HTR1F: variants seen among roughly 807,000 people sequenced by gnomAD.
The protein encoded by HTR1F is 5-hydroxytryptamine (serotonin) receptor 1F, G protein-coupled.
HTR1F carries 17 observed loss-of-function variants against 24.0 expected under a neutral mutation model. The ratio of observed to expected loss-of-function variants is 0.71; its 90% CI spans 0.48 to 1.06. HTR1F has a LOEUF of 1.06. HTR1F is among the 50% of genes least tolerant of loss of function. The probability of loss-of-function intolerance (pLI) is 0.00; values close to 1 mark genes in which losing one functional copy is unlikely to be tolerated. For synonymous variants in HTR1F, 186 were observed against 156.8 expected, an observed-to-expected ratio of 1.19 and a Z score of -1.39; for missense variants, 391 against 427.8, an observed-to-expected ratio of 0.91 and a Z score of 0.76.
chr3:87,963,722 G>C (rs1705109978), intron 2 of HTR1F, among the ~76,000 whole-genome samples: 2 of 152,086 alleles, frequency 1.3e-5, no homozygotes, highest in Non-Finnish European at 2.9e-5. Flanking sequence ...GGAGGTGAAA[G>C]GATTTGAGAG....
At chr3:87,986,068 A>G (rs1576123730) in intron 2 of HTR1F, among the ~76,000 whole-genome samples, 1 of 152,194 alleles carries the variant, frequency 6.6e-6, no homozygotes, top group South Asian at 2.1e-4. Context: ...AAGACATTCA[A>G]ATACAGAATG....
chr3:87,963,822 G>A (rs1705111764), intron 2 of HTR1F, among the ~76,000 whole-genome samples: 1 of 152,116 alleles, frequency 6.6e-6, no homozygotes, highest in African/African-American at 2.4e-5. Context: ...AGCAACATAT[G>A]TGCTTTGTCT....
Position 87,844,844 on chromosome 3 carries a change from T to C in HTR1F, c.-43+22720T>C, listed in dbSNP as rs534020159. Among the ~76,000 whole-genome samples the C allele has an allele frequency of 6.0e-5, 9 of 150,778 alleles. 1 individual carries two copies. The highest frequency in any genetic ancestry group is 2.1e-4 in the South Asian group (1 of 4,772). ...GTCAAAGATCAGATAGTTGTAGATATGCGGCGTTATTTCTGAGGGCTCTGT... is the reference window on the plus strand; with the variant it reads ...GTCAAAGATCAGATAGTTGTAGATACGCGGCGTTATTTCTGAGGGCTCTGT... On this transcript the variant is annotated intron_variant, in intron 2 of 2. Transcript: ENST00000319595.
chr3:87,993,454 C>A lies in HTR1F; in HGVS notation c.*1604C>A, dbSNP rs1705880256. ...AAATCTGGCATGGAAGTTGTTTACA[C>A]AGTTATGATGGTGCAGAGGAAAAAC... On this transcript the variant is annotated 3_prime_UTR_variant, in exon 3 of 3. Transcript: ENST00000319595. The A allele has an allele frequency of 6.0e-6, 1 of 166,774 alleles. No individual in the cohort carries two copies. The highest frequency in any genetic ancestry group is 6.6e-5 in the Admixed American group (1 of 15,242). The allele number at this position is 166,774 out of a possible 1,614,324, so 10.3% of individuals were successfully genotyped here.
At chr3:87,896,945 G>A (rs1051331917) in intron 2 of HTR1F, among the ~76,000 whole-genome samples, 1 of 152,078 alleles carries the variant, frequency 6.6e-6, no homozygotes, top group African/African-American at 2.4e-5. Context: ...GGGAACCCTT[G>A]TACGCTGTTG....
chr3:87,796,804 T>G (rs1703913418), intron 1 of HTR1F, among the ~76,000 whole-genome samples: 1 of 152,202 alleles, frequency 6.6e-6, no homozygotes, highest in Non-Finnish European at 1.5e-5. Flanking sequence ...CTTTAAGAAT[T>G]GAGCATAGAT....
At chr3:87,907,156 T>C (rs1576013479) in intron 2 of HTR1F, among the ~76,000 whole-genome samples, 1 of 151,962 alleles carries the variant, frequency 6.6e-6, no homozygotes, top group East Asian at 1.9e-4. Context: ...CCCACCAACA[T>C]GTAAAAGTGT....
intron 2 of HTR1F, among the ~76,000 whole-genome samples, chr3:87,850,753 C>G (rs1314035457): frequency 6.6e-6 from 1 of 150,864 alleles, no homozygotes; most frequent in Non-Finnish European, 1.5e-5. Context: ...CATATGAACT[C>G]TGATCATGAA....
chr3:87,864,533 G>C (rs1241814979), intron 2 of HTR1F, among the ~76,000 whole-genome samples: 1 of 152,130 alleles, frequency 6.6e-6, no homozygotes, highest in Non-Finnish European at 1.5e-5. Context: ...AATCTAGAAA[G>C]ACTGTAGGTA....
chr3:87,980,973 A>G (rs1271740943), intron 2 of HTR1F, among the ~76,000 whole-genome samples: 2 of 152,114 alleles, frequency 1.3e-5, no homozygotes, highest in South Asian at 2.1e-4. Flanking sequence ...CCACAGCTGT[A>G]GCTGGGGGGC....
chr3:87,859,786 A>G (rs1705277566), intron 2 of HTR1F, among the ~76,000 whole-genome samples: 1 of 152,218 alleles, frequency 6.6e-6, no homozygotes, highest in Non-Finnish European at 1.5e-5. Flanking sequence ...ATGAAAGCCA[A>G]TAAATTCCAA....
intron 2 of HTR1F, among the ~76,000 whole-genome samples, chr3:87,924,507 G>A (rs1052667019): frequency 1.3e-5 from 2 of 151,998 alleles, no homozygotes; most frequent in African/African-American, 4.8e-5. Context: ...GGTAGTTATT[G>A]TCCTTTTGCT....
At chr3:87,821,764 A>C (rs1704363736) in intron 1 of HTR1F, among the ~76,000 whole-genome samples, 1 of 152,166 alleles carries the variant, frequency 6.6e-6, no homozygotes, top group Non-Finnish European at 1.5e-5. Flanking sequence ...TAAGCCAAAT[A>C]TTCCCCTTTA....
chr3:87,908,599 G>A lies in HTR1F; in HGVS notation c.-42-82109G>A, dbSNP rs998037624. Among the ~76,000 whole-genome samples the A allele has an allele frequency of 2.0e-4, 31 of 152,082 alleles. No homozygotes were observed. The South Asian group carries it at 3.3e-3, about 16-fold the overall frequency. Reference sequence around the variant, plus strand: ...TTGAATAAAATTCTACTTAGAGAAAGAATTTTATAAATATTTAGAGTCATG... The same window carrying A: ...TTGAATAAAATTCTACTTAGAGAAAAAATTTTATAAATATTTAGAGTCATG... On this transcript the variant is annotated intron_variant, in intron 2 of 2. Coordinates refer to ENST00000319595, the MANE Select transcript of HTR1F (RefSeq NM_001322209.2).
At chr3:87,890,516 G>A (rs1706055559) in intron 2 of HTR1F, among the ~76,000 whole-genome samples, 1 of 147,822 alleles carries the variant, frequency 6.8e-6, no homozygotes. Context: ...ATCCTCTCCA[G>A]AAGGTGAAAT....
At chr3:87,945,296 A>G (rs1280577960) in intron 2 of HTR1F, among the ~76,000 whole-genome samples, 1 of 152,172 alleles carries the variant, frequency 6.6e-6, no homozygotes, top group Non-Finnish European at 1.5e-5. Context: ...TAGATGCCTA[A>G]GGACACAGCA....
chr3:87,879,210 T>C (rs1705733896), intron 2 of HTR1F, among the ~76,000 whole-genome samples: 1 of 152,216 alleles, frequency 6.6e-6, no homozygotes, highest in South Asian at 2.1e-4. Context: ...TGTATAGCAT[T>C]AGTAATTGTT....
At chr3:87,977,664 G>A (rs1046848274) in intron 2 of HTR1F, among the ~76,000 whole-genome samples, 8 of 149,830 alleles carry the variant, frequency 5.3e-5, no homozygotes, top group African/African-American at 9.9e-5. Context: ...CTCATGATCC[G>A]CCCACCTTGG....
intron 2 of HTR1F, among the ~76,000 whole-genome samples, chr3:87,956,748 T>C (rs961156118): frequency 2.0e-5 from 3 of 151,404 alleles, no homozygotes; most frequent in Non-Finnish European, 4.4e-5. Flanking sequence ...TGTTCTTAGA[T>C]ATGACTTTTT....
Sources: allele counts gnomAD v4.1 joint callset (sites outside exome capture counted in the v4.1 genomes callset), GRCh38; gene constraint gnomAD v4.1.1; transcripts MANE v1.5; gene names NCBI Gene and HGNC (gene_info 2026-07-23, HGNC 2026-07-21).